Variants in NPAS3 observed in about 807,000 individuals in gnomAD.
NPAS3 encodes neuronal PAS domain-containing protein 3.
Under a neutral mutation model 73.1 loss-of-function variants are expected in NPAS3, and 14 were observed. The observed-to-expected ratio is 0.19, with a 90% CI of 0.13 to 0.30. The LOEUF (loss-of-function observed/expected upper bound fraction) is 0.30, where lower values mean the gene tolerates loss of function less well. Ranked by LOEUF, NPAS3 falls within the 10% of genes least tolerant of loss-of-function variation. The pLI is 1.00. For missense variants in NPAS3, 1,096 were observed against 1,250.0 expected (o/e 0.88, Z 1.86); for synonymous variants, 620 against 541.5 (o/e 1.14, Z -2.01).
intron 1 of NPAS3, among the ~76,000 whole-genome samples, chr14:32,942,009 A>G (rs572605550): frequency 1.3e-5 from 2 of 152,336 alleles, no homozygotes; most frequent in African/African-American, 2.4e-5. Flanking sequence ...GCTGTTTTTC[A>G]TACTTGCTTC....
chr14:32,950,183 G>T (rs2036425984), intron 1 of NPAS3, among the ~76,000 whole-genome samples: 1 of 151,920 alleles, frequency 6.6e-6, no homozygotes, highest in Non-Finnish European at 1.5e-5. Flanking sequence ...CAACACAGTG[G>T]GTAGTTCTGA....
At chr14:33,756,494 A>T (rs184118882) in intron 7 of NPAS3, among the ~76,000 whole-genome samples, 1 of 152,340 alleles carries the variant, frequency 6.6e-6, no homozygotes, top group Non-Finnish European at 1.5e-5. Flanking sequence ...GTGGCAAGAG[A>T]TGCAAGGCGG....
chr14:33,747,201 A>G (rs989011270), intron 7 of NPAS3, among the ~76,000 whole-genome samples: 2 of 152,100 alleles, frequency 1.3e-5, no homozygotes, highest in African/African-American at 4.8e-5. Context: ...ATGTCCAACA[A>G]TGATAGACTG....
At position 33,259,871 on chromosome 14, in the gene NPAS3, T is replaced by TGA. The variant is rs1594533997; in HGVS notation, c.385+44451_385+44452dup. ...AGCAGCAGCATCTTTTTTTTTTTTT[T>TGA]GAGAGAGCAACATCTTAACCATGAA... On this transcript the variant is annotated intron_variant, in intron 3 of 11. Coordinates refer to ENST00000356141, the Ensembl canonical transcript of NPAS3. Among the ~76,000 whole-genome samples, 11 of 138,834 alleles carry TGA rather than the reference T, an allele frequency of 7.9e-5. No individual in the cohort carries two copies. The East Asian group carries it at 8.6e-4, about 11-fold the overall frequency. 91.1% of individuals were successfully genotyped at this position (138,834 alleles called of 152,430 possible).
At chr14:33,268,625 T>C (rs919749633) in intron 3 of NPAS3, among the ~76,000 whole-genome samples, 28 of 152,332 alleles carry the variant, frequency 1.8e-4, no homozygotes, top group Admixed American at 2.6e-4. Context: ...ATCAGTCAGC[T>C]ATGATATGCC....
intron 6 of NPAS3, chr14:33,680,534 A>G (rs1221195153): frequency 1.4e-6 from 1 of 699,742 alleles, no homozygotes; most frequent in South Asian, 1.5e-5. Context: ...ATTGTAATGC[A>G]TATACTTCTG....
At chr14:33,095,997 T>G (rs1391039299) in intron 2 of NPAS3, among the ~76,000 whole-genome samples, 2 of 150,878 alleles carry the variant, frequency 1.3e-5, no homozygotes, top group African/African-American at 4.9e-5. Flanking sequence ...TCTCTGTTTT[T>G]TGTGTGAAGG....
At chr14:33,073,953 T>C (rs937457646) in intron 2 of NPAS3, among the ~76,000 whole-genome samples, 7 of 152,146 alleles carry the variant, frequency 4.6e-5, no homozygotes, top group Non-Finnish European at 8.8e-5. Context: ...TGTGTGAACA[T>C]GGGGTGGGGT....
At chr14:32,974,356 A>G (rs1017594844) in intron 1 of NPAS3, among the ~76,000 whole-genome samples, 10 of 152,232 alleles carry the variant, frequency 6.6e-5, no homozygotes, top group Non-Finnish European at 1.2e-4. Context: ...AAAAACATGA[A>G]GATGGCCACA....
chr14:33,172,237 G>C (rs1405382634), intron 2 of NPAS3, among the ~76,000 whole-genome samples: 1 of 152,212 alleles, frequency 6.6e-6, no homozygotes, highest in Non-Finnish European at 1.5e-5. Context: ...CTTACTCGAT[G>C]TAAGGTTGCC....
chr14:33,790,818 A>AC (rs2063336851), intron 9 of NPAS3, among the ~76,000 whole-genome samples: 1 of 152,108 alleles, frequency 6.6e-6, no homozygotes, highest in African/African-American at 2.4e-5. Flanking sequence ...ACAAGTGCAC[A>AC]CCACCACACC....
chr14:33,416,875 T>C (rs1423144741), intron 4 of NPAS3, among the ~76,000 whole-genome samples: 3 of 151,956 alleles, frequency 2.0e-5, no homozygotes, highest in African/African-American at 7.2e-5. Context: ...TTCTACTTCA[T>C]TTATTTTTGG....
chr14:33,702,100 C>A (rs781101505), intron 6 of NPAS3, among the ~76,000 whole-genome samples: 1 of 152,192 alleles, frequency 6.6e-6, no homozygotes, highest in Non-Finnish European at 1.5e-5. Context: ...ATTTTCAGTT[C>A]CTTTCAGAAG....
chr14:33,224,189 G>A (rs1418089718), intron 3 of NPAS3, among the ~76,000 whole-genome samples: 2 of 152,092 alleles, frequency 1.3e-5, no homozygotes, highest in Non-Finnish European at 2.9e-5. Context: ...TGTTCTTTAG[G>A]ACTGGAATTC....
chr14:33,634,195 C>G (rs2058454019), intron 5 of NPAS3, among the ~76,000 whole-genome samples: 1 of 152,126 alleles, frequency 6.6e-6, no homozygotes. Flanking sequence ...TTGCCAGGCA[C>G]TAGTGCTAGT....
chr14:33,557,311 G>C (rs980399979), intron 4 of NPAS3, among the ~76,000 whole-genome samples: 1 of 152,064 alleles, frequency 6.6e-6, no homozygotes, highest in Non-Finnish European at 1.5e-5. Context: ...GAAATATTTC[G>C]CAGCAAAGGT....
intron 5 of NPAS3, among the ~76,000 whole-genome samples, chr14:33,563,646 T>A (rs2055777239): frequency 1.3e-5 from 2 of 152,150 alleles, no homozygotes; most frequent in African/African-American, 2.4e-5. Context: ...CTTGCTTTCC[T>A]GTGTAAAAAT....
intron 4 of NPAS3, among the ~76,000 whole-genome samples, chr14:33,476,209 A>G (rs1477932735): frequency 6.6e-6 from 1 of 152,238 alleles, no homozygotes; most frequent in Non-Finnish European, 1.5e-5. Context: ...ACCATTCAAC[A>G]TAAAGTTTGA....
intron 2 of NPAS3, among the ~76,000 whole-genome samples, chr14:33,205,807 G>A (rs1004576756): frequency 2.6e-5 from 4 of 152,122 alleles, no homozygotes; most frequent in African/African-American, 4.8e-5. Flanking sequence ...GTCAAAGCAC[G>A]CTTTCTCCCT....
Sources: allele counts gnomAD v4.1 joint callset (sites outside exome capture counted in the v4.1 genomes callset), GRCh38; gene constraint gnomAD v4.1.1; transcripts MANE v1.5; gene names NCBI Gene and HGNC (gene_info 2026-07-23, HGNC 2026-07-21).